SAMD3: variants seen among roughly 807,000 people sequenced by gnomAD.
The protein encoded by SAMD3 is sterile alpha motif domain containing 3, also known as sterile alpha motif domain-containing protein 3.
A neutral mutation model predicts 58.5 loss-of-function variants in SAMD3; 63 were observed. The observed-to-expected ratio is 1.08, with a 90% CI of 0.88 to 1.33. The LOEUF (loss-of-function observed/expected upper bound fraction) is 1.33, where lower values mean the gene tolerates loss of function less well. Among genes scored for constraint, SAMD3 ranks in the 40% most tolerant of loss-of-function variants. The probability of loss-of-function intolerance (pLI) is 0.00; values close to 1 mark genes in which losing one functional copy is unlikely to be tolerated. For missense variants in SAMD3, 604 were observed against 608.4 expected (o/e 0.99, Z 0.08); for synonymous variants, 220 against 210.3 (o/e 1.05, Z -0.40).
intron 4 of SAMD3, among the ~76,000 whole-genome samples, chr6:130,211,694 T>A (rs555662320): frequency 6.6e-6 from 1 of 151,996 alleles, no homozygotes; most frequent in African/African-American, 2.4e-5. Context: ...ATGTCTTATG[T>A]CTCCGTAAAA....
At chr6:130,277,734 T>C (rs888079993) in intron 2 of SAMD3, among the ~76,000 whole-genome samples, 4 of 152,150 alleles carry the variant, frequency 2.6e-5, no homozygotes, top group African/African-American at 7.2e-5. Flanking sequence ...AATCCTCTAA[T>C]GTTAGATGTT....
intron 2 of SAMD3, among the ~76,000 whole-genome samples, chr6:130,265,258 G>T (rs1774299736): frequency 6.6e-6 from 1 of 152,036 alleles, no homozygotes; most frequent in African/African-American, 2.4e-5. Flanking sequence ...TATTCTAGTG[G>T]GCCCAACCTC....
chr6:130,342,791 G>C (rs901244324), intron 1 of SAMD3, among the ~76,000 whole-genome samples: 1 of 152,108 alleles, frequency 6.6e-6, no homozygotes, highest in African/African-American at 2.4e-5. Flanking sequence ...TTTCCTGAAA[G>C]GTGGCAATAA....
At chr6:130,191,102 T>C (rs1458276031) in intron 5 of SAMD3, among the ~76,000 whole-genome samples, 1 of 151,784 alleles carries the variant, frequency 6.6e-6, no homozygotes, top group Non-Finnish European at 1.5e-5. Context: ...CCAACTGTCA[T>C]ATGCATGATA....
At chr6:130,245,935 T>C (rs768285384) in intron 2 of SAMD3, among the ~76,000 whole-genome samples, 15 of 152,048 alleles carry the variant, frequency 9.9e-5, no homozygotes, top group African/African-American at 2.7e-4. Flanking sequence ...AAAGGTGCAA[T>C]AGAAATTTCA....
intron 2 of SAMD3, among the ~76,000 whole-genome samples, chr6:130,258,307 G>A (rs1331127523): frequency 1.3e-5 from 2 of 152,050 alleles, no homozygotes; most frequent in Non-Finnish European, 2.9e-5. Context: ...AGAGCACATG[G>A]TAGCTCTTGC....
At chr6:130,227,766 C>T (rs7752419), upstream of SAMD3, among the ~76,000 whole-genome samples, 38 of 145,742 alleles carry the variant, frequency 2.6e-4, no homozygotes, top group African/African-American at 8.2e-4. Flanking sequence ...CCAGCCTGTG[C>T]GACAAAAGCA....
chr6:130,147,565 T>C (rs1788749382), intron 9 of SAMD3, among the ~76,000 whole-genome samples: 1 of 152,204 alleles, frequency 6.6e-6, no homozygotes, highest in South Asian at 2.1e-4. Flanking sequence ...AAGTGCCCTC[T>C]GTGCAGCTTC....
chr6:130,144,452 T>A lies in SAMD3; in HGVS notation c.*68A>T. 6.6e-7 allele frequency: 1 copy of A among 1,510,896 alleles called. No individual in the cohort carries two copies. The highest frequency in any genetic ancestry group is 9.0e-7 in the Non-Finnish European group (1 of 1,116,416). The allele number at this position is 1,510,896 out of a possible 1,614,324, so 93.6% of individuals were successfully genotyped here. A position where few individuals can be genotyped will look rare whatever the true frequency, so the allele number is the denominator to read the frequency against. On this transcript the variant is annotated 3_prime_UTR_variant, in exon 12 of 12. Coordinates refer to ENST00000439090, the MANE Select transcript of SAMD3 (RefSeq NM_001017373.4). The stretch of plus-strand genomic sequence containing the variant: ...TACCTACCTCTACCACAACCCTAAA[T>A]CAAAACAATTTCTTATGAAGCTTCA...
intron 2 of SAMD3, among the ~76,000 whole-genome samples, chr6:130,230,261 G>T (rs1472003755): frequency 6.6e-6 from 1 of 152,136 alleles, no homozygotes; most frequent in African/African-American, 2.4e-5. Context: ...TGAATGTTCG[G>T]CAGGCTGGGA....
At chr6:130,214,285 T>C in intron 4 of SAMD3, 52 bp downstream of exon 4, 1 of 1,431,410 alleles carries the variant, frequency 7.0e-7, no homozygotes, top group Non-Finnish European at 9.3e-7. Flanking sequence ...GCTCTAGCCA[T>C]CATTGGGAAA....
chr6:130,313,270 G>A (rs1168809851), intron 1 of SAMD3, among the ~76,000 whole-genome samples: 3 of 152,142 alleles, frequency 2.0e-5, no homozygotes, highest in Non-Finnish European at 4.4e-5. Flanking sequence ...TTGACATTTT[G>A]TGCTGGGTAA....
chr6:130,173,450 G>A (rs1791427282), intron 8 of SAMD3, among the ~76,000 whole-genome samples: 1 of 152,194 alleles, frequency 6.6e-6, no homozygotes, highest in Non-Finnish European at 1.5e-5. Context: ...CTGCAGGTCT[G>A]CTACAGTTTG....
At chr6:130,253,033 T>C (rs1256453759) in intron 2 of SAMD3, among the ~76,000 whole-genome samples, 2 of 152,222 alleles carry the variant, frequency 1.3e-5, no homozygotes, top group Non-Finnish European at 2.9e-5. Flanking sequence ...GTCAGGTTTT[T>C]TCCATGCCTC....
At chr6:130,185,006 T>G (rs1408824843) in intron 5 of SAMD3, among the ~76,000 whole-genome samples, 1 of 152,244 alleles carries the variant, frequency 6.6e-6, no homozygotes, top group East Asian at 1.9e-4. Flanking sequence ...AGGCCTACCA[T>G]AAAGTCTTAG....
intron 8 of SAMD3, among the ~76,000 whole-genome samples, chr6:130,174,701 T>C (rs1467437143): frequency 6.6e-6 from 1 of 152,236 alleles, no homozygotes; most frequent in East Asian, 1.9e-4. Context: ...AGTTTGTAAT[T>C]GGAATTTTTC....
At chr6:130,274,762 T>TTTTG (rs1004384597) in intron 2 of SAMD3, among the ~76,000 whole-genome samples, 1 of 151,986 alleles carries the variant, frequency 6.6e-6, no homozygotes, top group African/African-American at 2.4e-5. Context: ...CTTTTTTTTT[T>TTTTG]TTGGTGTTTC....
chr6:130,232,519 A>G (rs934992175), intron 2 of SAMD3, among the ~76,000 whole-genome samples: 9 of 152,196 alleles, frequency 5.9e-5, no homozygotes, highest in African/African-American at 2.2e-4. Flanking sequence ...CATTCCAAAA[A>G]TATATCTACC....
chr6:130,162,409 C>A, intron 8 of SAMD3: 2 of 569,842 alleles, frequency 3.5e-6, no homozygotes. Flanking sequence ...TGAATAAAAA[C>A]TCATCTTGAC....
Sources: gnomAD v4.1 joint callset for allele counts (sites outside exome capture counted in the v4.1 genomes callset) on GRCh38, gnomAD v4.1.1 for gene constraint, MANE v1.5 for transcripts, NCBI Gene and HGNC (gene_info 2026-07-23, HGNC 2026-07-21) for gene names.